The following CFTR variants were observed in gnomAD, a reference collection of about 807,000 sequenced individuals.
The protein encoded by CFTR is CF transmembrane conductance regulator.
CFTR carries 181 observed loss-of-function variants against 171.6 expected under a neutral mutation model. That is an observed-to-expected ratio of 1.05 (90% CI 0.93 to 1.19). The LOEUF is 1.19. Among genes scored for constraint, CFTR ranks in the 50% most tolerant of loss-of-function variants. The pLI is 0.00. For missense variants in CFTR, 1,968 were observed against 1,734.7 expected, an observed-to-expected ratio of 1.13 and a Z score of -2.39; for synonymous variants, 583 against 608.0, an observed-to-expected ratio of 0.96 and a Z score of 0.60.
intron 1 of CFTR, among the ~76,000 whole-genome samples, chr7:117,502,567 T>A (rs1176683523): frequency 6.6e-6 from 1 of 152,236 alleles, no homozygotes; most frequent in Admixed American, 6.5e-5. Flanking sequence ...CACCTGTATG[T>A]TCGACTTTCC....
chr7:117,648,815 G>A (rs1243668189), intron 23 of CFTR, among the ~76,000 whole-genome samples: 1 of 152,138 alleles, frequency 6.6e-6, no homozygotes, highest in Admixed American at 6.6e-5. Flanking sequence ...AAGCAAGAGA[G>A]TGCCAGGTAC....
chr7:117,667,955 GT>G lies in CFTR; in HGVS notation c.*849del, dbSNP rs1438355042. 6.6e-6 allele frequency: 1 copy of G among 152,312 alleles called. No homozygotes were observed. The highest frequency in any genetic ancestry group is 1.9e-4 in the East Asian group (1 of 5,192). The allele number at this position is 152,312 out of a possible 1,614,324, so 9.4% of individuals were successfully genotyped here. On this transcript the variant is annotated 3_prime_UTR_variant, in exon 27 of 27. Coordinates refer to ENST00000003084, the MANE Select transcript of CFTR (RefSeq NM_000492.4). ...AACTAGAGTTTAGCTGGAAAAGTATGTTAGTGCAAATTGTCACAGGACAGCC... is the reference window on the plus strand; with the variant it reads ...AACTAGAGTTTAGCTGGAAAAGTATGTAGTGCAAATTGTCACAGGACAGCC...
At chr7:117,652,710 G>C (rs1793105806) in intron 23 of CFTR, 132 bp from the exon 24 acceptor site, 1 of 560,462 alleles carries the variant, frequency 1.8e-6, no homozygotes, top group African/African-American at 1.9e-5. Context: ...GAGAGAACTT[G>C]ATGGTAAGTA....
intron 23 of CFTR, among the ~76,000 whole-genome samples, chr7:117,651,930 C>T (rs1793095284): frequency 6.6e-6 from 1 of 151,936 alleles, no homozygotes; most frequent in Admixed American, 6.6e-5. Flanking sequence ...ATTCTTAATT[C>T]CCCTTAGTGG....
intron 13 of CFTR, 25 bp from the exon 14 acceptor site, chr7:117,591,909 A>G: frequency 7.0e-7 from 1 of 1,429,212 alleles, no homozygotes; most frequent in Non-Finnish European, 9.6e-7. Context: ...TAAAATTGAT[A>G]TTTATATGTT....
intron 21 of CFTR, among the ~76,000 whole-genome samples, chr7:117,624,250 G>A (rs1792619760): frequency 6.6e-6 from 1 of 152,104 alleles, no homozygotes; most frequent in African/African-American, 2.4e-5. Context: ...AGGAATTAAG[G>A]AGTGTGTTGC....
At chr7:117,612,015 A>ATATATACG (rs1411849098) in intron 20 of CFTR, among the ~76,000 whole-genome samples, 1 of 44,688 alleles carries the variant, frequency 2.2e-5, no homozygotes, top group East Asian at 5.5e-4. Flanking sequence ...GGATATATAT[A>ATATATACG]TATATATGTA....
intron 9 of CFTR, among the ~76,000 whole-genome samples, chr7:117,548,331 A>AGG (rs1408965361): frequency 1.6e-5 from 2 of 122,630 alleles, no homozygotes; most frequent in East Asian, 4.5e-4. Flanking sequence ...ATAGGAGAAG[A>AGG]GGGTGTGTGT....
intron 1 of CFTR, among the ~76,000 whole-genome samples, chr7:117,486,013 G>A (rs537905105): frequency 2.0e-5 from 3 of 152,116 alleles, no homozygotes; most frequent in African/African-American, 4.8e-5. Context: ...TGATAAAAAG[G>A]GGTCAAAGCA....
intron 11 of CFTR, among the ~76,000 whole-genome samples, chr7:117,561,743 G>A (rs956480736): frequency 6.6e-6 from 1 of 152,134 alleles, no homozygotes; most frequent in African/African-American, 2.4e-5. Context: ...TAGTGGGAAA[G>A]ATTGACATAT....
intron 24 of CFTR, among the ~76,000 whole-genome samples, chr7:117,662,010 T>G (rs560554091): frequency 1.5e-5 from 2 of 129,426 alleles, no homozygotes; most frequent in South Asian, 5.3e-4. Context: ...AAAAAAACCC[T>G]CAAATACTGC....
rs34277788 is a variant in CFTR at position 117,577,044 on chromosome 7, C to T, written c.1585-10695C>T. 2.0e-4 allele frequency among the ~76,000 whole-genome samples: 30 copies of T among 152,220 alleles called. No individual in the cohort carries two copies. In the East Asian group the frequency reaches 5.8e-3, roughly 29 times the overall value. Reference sequence around the variant, plus strand: ...ATGACAGGAGAACAGAAACGCATGACTGTCAGAGAAGTCATTGGAGACTTT... The same window carrying T: ...ATGACAGGAGAACAGAAACGCATGATTGTCAGAGAAGTCATTGGAGACTTT... On this transcript the variant is annotated intron_variant, in intron 11 of 26. Transcript: ENST00000003084.
At chr7:117,541,893 A>T in intron 8 of CFTR, 123 bp from the exon 9 acceptor site, 1 of 437,766 alleles carries the variant, frequency 2.3e-6, no homozygotes, top group Non-Finnish European at 4.2e-6. Flanking sequence ...TTAAGAAATA[A>T]TTACTATTTC....
At chr7:117,609,968 G>A (rs1325504220) in intron 18 of CFTR, among the ~76,000 whole-genome samples, 1 of 151,888 alleles carries the variant, frequency 6.6e-6, no homozygotes, top group African/African-American at 2.4e-5. Flanking sequence ...TTCTGACTAG[G>A]AATAGAATGG....
chr7:117,545,959 C>T (rs912262215), intron 9 of CFTR, among the ~76,000 whole-genome samples: 2 of 151,808 alleles, frequency 1.3e-5, no homozygotes, highest in South Asian at 2.1e-4. Flanking sequence ...GCTAGGGCTA[C>T]AGACACACAC....
chr7:117,543,143 G>A (rs925503255), intron 9 of CFTR, among the ~76,000 whole-genome samples: 4 of 152,140 alleles, frequency 2.6e-5, no homozygotes, highest in Non-Finnish European at 4.4e-5. Flanking sequence ...GTTGTGTAAA[G>A]GTAGGAGGTA....
chr7:117,554,804 C>G (rs754765257), intron 10 of CFTR, among the ~76,000 whole-genome samples: 64 of 152,122 alleles, frequency 4.2e-4, no homozygotes, highest in Non-Finnish European at 8.1e-4. Flanking sequence ...TAAGATGAAA[C>G]TGTTATAATT....
intron 3 of CFTR, among the ~76,000 whole-genome samples, chr7:117,514,006 A>G (rs2116648149): frequency 6.6e-6 from 1 of 152,298 alleles, no homozygotes; most frequent in East Asian, 1.9e-4. Context: ...AAAACCTGGG[A>G]CACTATCATT....
chr7:117,588,162 A>G (rs971873081), intron 12 of CFTR, among the ~76,000 whole-genome samples: 17 of 152,112 alleles, frequency 1.1e-4, no homozygotes, highest in African/African-American at 3.9e-4. Flanking sequence ...TGTTAGTTCC[A>G]TCATAGACCC....
Sources: gnomAD v4.1 joint callset for allele counts (sites outside exome capture counted in the v4.1 genomes callset) on GRCh38, gnomAD v4.1.1 for gene constraint, MANE v1.5 for transcripts, NCBI Gene and HGNC (gene_info 2026-07-23, HGNC 2026-07-21) for gene names.